Variants in RBMS3 observed in about 807,000 individuals in gnomAD.
The protein encoded by RBMS3 is RNA-binding motif, single-stranded-interacting protein 3.
RBMS3 carries 27 observed loss-of-function variants against 66.8 expected under a neutral mutation model. The observed-to-expected ratio is 0.40, with a 90% CI of 0.30 to 0.56. RBMS3 has a LOEUF of 0.56. Ranked by LOEUF, RBMS3 falls within the 20% of genes least tolerant of loss-of-function variation. RBMS3 has a pLI of 0.40. For synonymous variants in RBMS3, 188 were observed against 183.0 expected (o/e 1.03, Z -0.22); for missense variants, 513 against 549.5 (o/e 0.93, Z 0.66).
chr3:29,716,214 C>G (rs1183705697), intron 4 of RBMS3, among the ~76,000 whole-genome samples: 2 of 152,086 alleles, frequency 1.3e-5, no homozygotes, highest in African/African-American at 4.8e-5. Flanking sequence ...AATAATTCTA[C>G]TGCTAGAAAT....
chr3:29,980,143 G>T (rs1345924815), intron 12 of RBMS3, among the ~76,000 whole-genome samples: 1 of 152,302 alleles, frequency 6.6e-6, no homozygotes, highest in Middle Eastern at 3.4e-3. Context: ...GGTGTGAGAT[G>T]GTATGTCACT....
intron 3 of RBMS3, among the ~76,000 whole-genome samples, chr3:29,566,230 C>T (rs572742886): frequency 6.6e-6 from 1 of 152,102 alleles, no homozygotes; most frequent in African/African-American, 2.4e-5. Flanking sequence ...TAAAATAATC[C>T]ACAAATTATG....
At chr3:29,308,034 C>T (rs1184130834) in intron 1 of RBMS3, among the ~76,000 whole-genome samples, 1 of 151,878 alleles carries the variant, frequency 6.6e-6, no homozygotes, top group African/African-American at 2.4e-5. Flanking sequence ...AGATTCCTCA[C>T]CACTAAAACT....
At chr3:29,454,566 G>C (rs898829885) in intron 2 of RBMS3, among the ~76,000 whole-genome samples, 1 of 152,144 alleles carries the variant, frequency 6.6e-6, no homozygotes, top group African/African-American at 2.4e-5. Flanking sequence ...CCAACAGGAC[G>C]CTTTCTATGA....
At chr3:29,943,664 C>T (rs970879987) in intron 11 of RBMS3, among the ~76,000 whole-genome samples, 4 of 151,832 alleles carry the variant, frequency 2.6e-5, no homozygotes, top group Admixed American at 6.6e-5. Flanking sequence ...GAGGTGAAAG[C>T]ACCTTCCGCT....
chr3:29,770,740 T>C (rs2056163965), intron 6 of RBMS3, among the ~76,000 whole-genome samples: 1 of 152,048 alleles, frequency 6.6e-6, no homozygotes, highest in South Asian at 2.1e-4. Context: ...AATGAGTAGC[T>C]AAACCATTTA....
At chr3:29,711,372 G>A (rs565387551) in intron 4 of RBMS3, among the ~76,000 whole-genome samples, 20 of 152,184 alleles carry the variant, frequency 1.3e-4, no homozygotes, top group Middle Eastern at 3.4e-3. Flanking sequence ...CTCCATATTC[G>A]TTGGCTCTCT....
intron 1 of RBMS3, among the ~76,000 whole-genome samples, chr3:29,393,761 A>C (rs1425964037): frequency 1.3e-5 from 2 of 151,852 alleles, no homozygotes; most frequent in Admixed American, 6.6e-5. Context: ...CGGGGGTGAC[A>C]TCATGTATTG....
intron 7 of RBMS3, among the ~76,000 whole-genome samples, chr3:29,875,457 A>G (rs991179428): frequency 2.6e-5 from 4 of 152,194 alleles, no homozygotes; most frequent in African/African-American, 9.6e-5. Flanking sequence ...ATTAAAGATG[A>G]AATATTACTT....
At chr3:29,361,944 T>G (rs1349056976) in intron 1 of RBMS3, among the ~76,000 whole-genome samples, 2 of 152,164 alleles carry the variant, frequency 1.3e-5, no homozygotes, top group Non-Finnish European at 2.9e-5. Flanking sequence ...TAGTTAGCCA[T>G]TAGTCGAATC....
At chr3:29,920,990 C>T (rs1306647112) in intron 10 of RBMS3, among the ~76,000 whole-genome samples, 1 of 152,048 alleles carries the variant, frequency 6.6e-6, no homozygotes, top group Non-Finnish European at 1.5e-5. Flanking sequence ...ATACCGAGGC[C>T]ATTGGATATT....
intron 12 of RBMS3, among the ~76,000 whole-genome samples, chr3:29,985,418 G>A (rs6792414): frequency 0.019 from 2,897 of 150,698 alleles, 88 homozygotes; most frequent in African/African-American, 0.065. Context: ...AAAAAAAGCT[G>A]CATCTAGCAG....
At chr3:29,314,099 G>T (rs1466329306) in intron 1 of RBMS3, among the ~76,000 whole-genome samples, 5 of 151,592 alleles carry the variant, frequency 3.3e-5, no homozygotes, top group Non-Finnish European at 7.4e-5. Context: ...AAGTCATAAT[G>T]ATGATAGGCA....
chr3:29,653,628 C>T (rs563254905), intron 4 of RBMS3, among the ~76,000 whole-genome samples: 43 of 152,200 alleles, frequency 2.8e-4, no homozygotes, highest in African/African-American at 1.0e-3. Flanking sequence ...ATTAACATAA[C>T]ACTCTTTCAC....
At chr3:29,414,755 G>T (rs540375565) in intron 1 of RBMS3, among the ~76,000 whole-genome samples, 1 of 152,268 alleles carries the variant, frequency 6.6e-6, no homozygotes, top group Non-Finnish European at 1.5e-5. Flanking sequence ...AAGAAAATCT[G>T]TGCTTTCAAA....
At position 29,977,523 on chromosome 3, in the gene RBMS3, AT is replaced by A. The variant is rs61008885; in HGVS notation, c.1099-10611del. Among the ~76,000 whole-genome samples, 12 of 151,386 alleles carry A rather than the reference AT, an allele frequency of 7.9e-5. No individual in the cohort carries two copies. In the East Asian group the frequency reaches 1.6e-3, roughly 20 times the overall value. ...AACACGGTTCTGTTCCAATTTTACA[AT>A]TTTTTTTTGTTTCTTCACACAACAC... On this transcript the variant is annotated intron_variant, in intron 12 of 14. Coordinates refer to ENST00000383767, the MANE Select transcript of RBMS3 (RefSeq NM_001003793.3).
At chr3:29,588,086 C>G (rs2047596513) in intron 4 of RBMS3, among the ~76,000 whole-genome samples, 1 of 151,966 alleles carries the variant, frequency 6.6e-6, no homozygotes, top group Non-Finnish European at 1.5e-5. Flanking sequence ...TAGGCTCTCT[C>G]TGTACTATCT....
chr3:30,002,392 C>T (rs1406097128), intron 14 of RBMS3, among the ~76,000 whole-genome samples: 8 of 151,556 alleles, frequency 5.3e-5, no homozygotes, highest in Non-Finnish European at 2.9e-5. Flanking sequence ...TCTCCCCCAA[C>T]ACACACACAC....
intron 4 of RBMS3, among the ~76,000 whole-genome samples, chr3:29,658,810 G>A (rs2050417347): frequency 6.6e-6 from 1 of 152,272 alleles, no homozygotes; most frequent in South Asian, 2.1e-4. Flanking sequence ...CTTATTTGCT[G>A]TTTTTTGTTT....
Sources: gnomAD v4.1 joint callset for allele counts (sites outside exome capture counted in the v4.1 genomes callset) on GRCh38, gnomAD v4.1.1 for gene constraint, MANE v1.5 for transcripts, NCBI Gene and HGNC (gene_info 2026-07-23, HGNC 2026-07-21) for gene names.